The following PRDM16 variants were observed in gnomAD, a reference collection of about 807,000 sequenced individuals.
The protein encoded by PRDM16 is PR/SET domain 16, also known as histone-lysine N-methyltransferase PRDM16.
PRDM16 carries 23 observed loss-of-function variants against 110.6 expected under a neutral mutation model. That is an observed-to-expected ratio of 0.21 (90% confidence interval 0.15 to 0.29). PRDM16 has a LOEUF of 0.29. PRDM16 is among the 10% of genes least tolerant of loss of function. The pLI, the probability that PRDM16 is intolerant of heterozygous loss-of-function variation, is 1.00. For synonymous variants in PRDM16, 799 were observed against 781.8 expected, an observed-to-expected ratio of 1.02 and a Z score of -0.37; for missense variants, 1,615 against 1,794.3, an observed-to-expected ratio of 0.90 and a Z score of 1.81.
chr1:3,309,178 C>T (rs1641383095), intron 3 of PRDM16: 2 of 152,402 alleles, frequency 1.3e-5, no homozygotes, highest in South Asian at 4.1e-4. Flanking sequence ...CCTTGTCCCT[C>T]CTCTGTTCCT....
At chr1:3,174,043 C>T (rs758852829) in intron 1 of PRDM16, among the ~76,000 whole-genome samples, 3 of 152,188 alleles carry the variant, frequency 2.0e-5, no homozygotes, top group East Asian at 3.9e-4. Flanking sequence ...CTGAAACAAC[C>T]GAAGGGTGTG....
chr1:3,095,530 A>C (rs1570241505), intron 1 of PRDM16, among the ~76,000 whole-genome samples: 2 of 152,144 alleles, frequency 1.3e-5, no homozygotes, highest in Non-Finnish European at 2.9e-5. Flanking sequence ...GTGGTGCCTC[A>C]TGGGGGGCCG....
At chr1:3,155,351 G>A (rs1557488609) in intron 1 of PRDM16, among the ~76,000 whole-genome samples, 2 of 152,242 alleles carry the variant, frequency 1.3e-5, no homozygotes, top group South Asian at 2.1e-4. Context: ...CTGCCGTGTG[G>A]CTTCGCCCGA....
At chr1:3,138,915 G>C (rs922729406) in intron 1 of PRDM16, among the ~76,000 whole-genome samples, 25 of 152,178 alleles carry the variant, frequency 1.6e-4, no homozygotes, top group African/African-American at 6.0e-4. Context: ...TTCAGTAAGA[G>C]GGAGGCGGGA....
At chr1:3,180,899 C>T (rs868864482) in intron 1 of PRDM16, among the ~76,000 whole-genome samples, 3 of 138,478 alleles carry the variant, frequency 2.2e-5, no homozygotes, top group Non-Finnish European at 3.3e-5. Context: ...CGGCCTCACA[C>T]ACGCAGTCTT....
chr1:3,345,717 CGG>C (rs1642347715), intron 3 of PRDM16, among the ~76,000 whole-genome samples: 1 of 151,386 alleles, frequency 6.6e-6, no homozygotes, highest in Non-Finnish European at 1.5e-5. Flanking sequence ...GCTGCCCTCT[CGG>C]GTCCTCCCGT....
chr1:3,289,090 T>C (rs1239629798), intron 3 of PRDM16, among the ~76,000 whole-genome samples: 2 of 152,232 alleles, frequency 1.3e-5, no homozygotes, highest in Admixed American at 6.5e-5. Flanking sequence ...ATGCTGCATC[T>C]GGGGTCCCAC....
chr1:3,196,635 GA>G (rs1282004957), intron 2 of PRDM16, among the ~76,000 whole-genome samples: 5 of 152,186 alleles, frequency 3.3e-5, no homozygotes, highest in African/African-American at 1.2e-4. Flanking sequence ...GTCAGCCTGT[GA>G]GACCCCCACC....
At chr1:3,134,399 G>A (rs929226843) in intron 1 of PRDM16, among the ~76,000 whole-genome samples, 1 of 152,258 alleles carries the variant, frequency 6.6e-6, no homozygotes, top group East Asian at 1.9e-4. Flanking sequence ...CTGGGCGGGG[G>A]CCAATGCCCC....
intron 3 of PRDM16, among the ~76,000 whole-genome samples, chr1:3,377,824 G>A (rs761136579): frequency 8.9e-4 from 136 of 152,296 alleles, no homozygotes; most frequent in African/African-American, 8.7e-4. Flanking sequence ...TTGATCACGC[G>A]CAAACAGAAG....
At chr1:3,361,026 T>C (rs979082046) in intron 3 of PRDM16, among the ~76,000 whole-genome samples, 1 of 152,040 alleles carries the variant, frequency 6.6e-6, no homozygotes, top group African/African-American at 2.4e-5. Context: ...GCGAGGACAC[T>C]GACTAACAAC....
intron 2 of PRDM16, among the ~76,000 whole-genome samples, chr1:3,189,994 G>T (rs890821167): frequency 1.3e-5 from 2 of 152,218 alleles, no homozygotes; most frequent in Non-Finnish European, 2.9e-5. Flanking sequence ...CTTTCTCTTT[G>T]TATAGCAAGA....
At chr1:3,362,241 A>G (rs1343077221) in intron 3 of PRDM16, among the ~76,000 whole-genome samples, 1 of 152,252 alleles carries the variant, frequency 6.6e-6, no homozygotes, top group Non-Finnish European at 1.5e-5. Flanking sequence ...CCACCGGCAC[A>G]TGAGTGAGTG....
intron 3 of PRDM16, among the ~76,000 whole-genome samples, chr1:3,313,098 C>A (rs1265625008): frequency 3.9e-5 from 6 of 152,250 alleles, no homozygotes; most frequent in African/African-American, 1.4e-4. Flanking sequence ...AGGGCACCCG[C>A]AGACACTGGG....
intron 1 of PRDM16, among the ~76,000 whole-genome samples, chr1:3,107,508 A>G (rs1226311728): frequency 1.3e-5 from 2 of 152,194 alleles, no homozygotes; most frequent in Non-Finnish European, 2.9e-5. Flanking sequence ...ATATCATTTA[A>G]TGCCCGATGG....
intron 1 of PRDM16, among the ~76,000 whole-genome samples, chr1:3,124,914 C>A (rs1479291220): frequency 6.6e-6 from 1 of 152,222 alleles, no homozygotes; most frequent in Non-Finnish European, 1.5e-5. Context: ...GGCCCCAGGT[C>A]TCAGGGGTAC....
chr1:3,119,303 G>A (rs907954151), intron 1 of PRDM16, among the ~76,000 whole-genome samples: 3 of 152,238 alleles, frequency 2.0e-5, no homozygotes, highest in Admixed American at 6.5e-5. Context: ...TTCTTTGTGC[G>A]GCCAGGCGGG....
intron 3 of PRDM16, among the ~76,000 whole-genome samples, chr1:3,383,671 A>G (rs547366365): frequency 6.6e-6 from 1 of 151,776 alleles, no homozygotes; most frequent in Non-Finnish European, 1.5e-5. Context: ...CCAGGCCCGA[A>G]ATGGCTAGGA....
intron 3 of PRDM16, among the ~76,000 whole-genome samples, chr1:3,283,781 G>A (rs181048978): frequency 2.0e-5 from 3 of 152,320 alleles, no homozygotes; most frequent in East Asian, 1.9e-4. Context: ...TATATTTCCC[G>A]CCTGCTTCCC....
Sources: gnomAD v4.1 joint callset for allele counts (sites outside exome capture counted in the v4.1 genomes callset) on GRCh38, gnomAD v4.1.1 for gene constraint, MANE v1.5 for transcripts, NCBI Gene and HGNC (gene_info 2026-07-23, HGNC 2026-07-21) for gene names.